The following ALK variants were observed in gnomAD, a reference collection of about 807,000 sequenced individuals.
The protein encoded by ALK is ALK tyrosine kinase receptor.
ALK carries 74 observed loss-of-function variants against 163.1 expected under a neutral mutation model. The observed-to-expected ratio is 0.45, with a 90% CI of 0.38 to 0.55. ALK has a LOEUF of 0.55. ALK is among the 20% of genes least tolerant of loss of function. ALK has a pLI of 0.00. For missense variants in ALK, 2,063 were observed against 2,105.3 expected (o/e 0.98, Z 0.39); for synonymous variants, 960 against 843.2 (o/e 1.14, Z -2.40).
chr2:29,389,576 A>G (rs116523631), intron 4 of ALK, among the ~76,000 whole-genome samples: 65 of 152,298 alleles, frequency 4.3e-4, no homozygotes, highest in Middle Eastern at 3.4e-3. Flanking sequence ...CATGTCTCCA[A>G]TGCCTTATAC....
At chr2:29,915,974 A>G (rs1422233546) in intron 1 of ALK, among the ~76,000 whole-genome samples, 1 of 152,258 alleles carries the variant, frequency 6.6e-6, no homozygotes, top group Non-Finnish European at 1.5e-5. Flanking sequence ...AAAGATGTAT[A>G]TGCAATTCTT....
intron 9 of ALK, among the ~76,000 whole-genome samples, chr2:29,289,021 T>C (rs1379771572): frequency 6.6e-6 from 1 of 151,636 alleles, no homozygotes; most frequent in Admixed American, 6.6e-5. Flanking sequence ...GTGTTTTGAA[T>C]CCTGACTCTT....
At chr2:29,623,399 G>A (rs541767729) in intron 3 of ALK, among the ~76,000 whole-genome samples, 21 of 152,152 alleles carry the variant, frequency 1.4e-4, no homozygotes, top group Admixed American at 3.3e-4. Flanking sequence ...TGTCAAATGT[G>A]GAAAAGAATT....
At chr2:29,268,880 T>G (rs551924033) in intron 11 of ALK, among the ~76,000 whole-genome samples, 71 of 152,152 alleles carry the variant, frequency 4.7e-4, no homozygotes, top group Non-Finnish European at 8.5e-4. Flanking sequence ...GGGAAGAAAA[T>G]GATGGCTCAG....
intron 3 of ALK, among the ~76,000 whole-genome samples, chr2:29,678,440 C>CT (rs574171356): frequency 3.3e-5 from 5 of 151,358 alleles, no homozygotes; most frequent in African/African-American, 1.2e-4. Context: ...CAAAGCTATA[C>CT]TTTTTTTTCT....
At chr2:29,416,739 G>C (rs1669887689) in intron 4 of ALK, among the ~76,000 whole-genome samples, 1 of 152,248 alleles carries the variant, frequency 6.6e-6, no homozygotes, top group Non-Finnish European at 1.5e-5. Context: ...TACTACAGTA[G>C]TCAGAGGGAT....
chr2:29,318,467 G>C, intron 7 of ALK, 63 bp from the exon 8 acceptor site: 2 of 1,155,490 alleles, frequency 1.7e-6, no homozygotes, highest in Non-Finnish European at 2.6e-6. Context: ...CAGGGGTGCA[G>C]GGTTAATGGA....
At chr2:29,800,580 A>T (rs1010795995) in intron 1 of ALK, among the ~76,000 whole-genome samples, 1 of 152,118 alleles carries the variant, frequency 6.6e-6, no homozygotes, top group Admixed American at 6.5e-5. Context: ...CCCTAAAATC[A>T]TTAGGATTAG....
intron 4 of ALK, among the ~76,000 whole-genome samples, chr2:29,438,041 G>C (rs1360509321): frequency 6.6e-6 from 1 of 150,822 alleles, no homozygotes; most frequent in African/African-American, 2.4e-5. Flanking sequence ...TATTCTCCCA[G>C]ATTCCACCTG....
intron 3 of ALK, among the ~76,000 whole-genome samples, chr2:29,676,003 G>A (rs993233633): frequency 4.7e-4 from 71 of 152,172 alleles, no homozygotes; most frequent in Non-Finnish European, 8.8e-4. Flanking sequence ...TGGGATTACA[G>A]GTGTGGGTGA....
At chr2:29,440,645 G>A (rs1164571398) in intron 4 of ALK, among the ~76,000 whole-genome samples, 1 of 152,080 alleles carries the variant, frequency 6.6e-6, no homozygotes. Flanking sequence ...AGAGTTTTTG[G>A]TATGCAACTG....
intron 1 of ALK, among the ~76,000 whole-genome samples, chr2:29,762,681 GAGGATA>G (rs1680741367): frequency 6.6e-6 from 1 of 152,222 alleles, no homozygotes; most frequent in Non-Finnish European, 1.5e-5. Flanking sequence ...AAGAGGAAAT[GAGGATA>G]AGGGAAGCTT....
intron 5 of ALK, 68 bp from the exon 6 acceptor site, chr2:29,328,549 G>T: frequency 6.2e-7 from 1 of 1,608,106 alleles, no homozygotes. Context: ...GGCCTGATGG[G>T]TTGGTCCCAT....
chr2:29,826,265 G>GAA (rs1558505640), intron 1 of ALK, among the ~76,000 whole-genome samples: 18 of 105,760 alleles, frequency 1.7e-4, no homozygotes, highest in African/African-American at 5.9e-4. Context: ...AAAAGAAAGA[G>GAA]TGTGCCTGTG....
chr2:29,871,940 T>C (rs1433064349), intron 1 of ALK, among the ~76,000 whole-genome samples: 3 of 152,088 alleles, frequency 2.0e-5, no homozygotes, highest in Admixed American at 2.0e-4. Context: ...GAGGTGCGGG[T>C]CTTCTAACAT....
chr2:29,492,567 C>G (rs1031360098), intron 4 of ALK, among the ~76,000 whole-genome samples: 6 of 152,130 alleles, frequency 3.9e-5, no homozygotes, highest in Non-Finnish European at 7.3e-5. Context: ...TTTCTGCACA[C>G]GGTCAGTAGG....
chr2:29,788,579 G>T lies in ALK; in HGVS notation c.668-70882C>A, dbSNP rs565102626. On this transcript the variant is annotated intron_variant, in intron 1 of 28. Coordinates refer to ENST00000389048, the MANE Select transcript of ALK (RefSeq NM_004304.5). ...ACCCAGCTCTTGAACAAGGGATTAG[G>T]AAAGGTTCACAGGCAACCGATGCAG... Among the ~76,000 whole-genome samples the T allele has an allele frequency of 1.2e-4, 19 of 152,296 alleles. No homozygotes were observed. In the East Asian group the frequency reaches 3.7e-3, roughly 29 times the overall value.
At chr2:29,245,813 G>A (rs1207829461) in intron 12 of ALK, among the ~76,000 whole-genome samples, 2 of 150,212 alleles carry the variant, frequency 1.3e-5, no homozygotes, top group African/African-American at 4.9e-5. Context: ...GCACATAGTA[G>A]GGGCTCTATG....
At chr2:29,705,568 T>C (rs1678885578) in intron 2 of ALK, among the ~76,000 whole-genome samples, 1 of 151,870 alleles carries the variant, frequency 6.6e-6, no homozygotes, top group Non-Finnish European at 1.5e-5. Context: ...CACCAGAGTG[T>C]CTGGGGAGGC....
Sources: allele counts gnomAD v4.1 joint callset (sites outside exome capture counted in the v4.1 genomes callset), GRCh38; gene constraint gnomAD v4.1.1; transcripts MANE v1.5; gene names NCBI Gene and HGNC (gene_info 2026-07-23, HGNC 2026-07-21).